ZSCAN25: variants seen among roughly 807,000 people sequenced by gnomAD.
ZSCAN25 encodes zinc finger and SCAN domain containing 25.
In ZSCAN25, 27 loss-of-function variants were observed where a neutral mutation model predicts 38.7. The observed-to-expected ratio is 0.70, with a 90% confidence interval of 0.51 to 0.96. The LOEUF (loss-of-function observed/expected upper bound fraction) is 0.96, where lower values mean the gene tolerates loss of function less well. ZSCAN25 is among the 40% of genes least tolerant of loss of function. The pLI, the probability that ZSCAN25 is intolerant of heterozygous loss-of-function variation, is 0.00. For synonymous variants in ZSCAN25, 273 were observed against 277.7 expected (o/e 0.98, Z 0.17); for missense variants, 637 against 705.9 (o/e 0.90, Z 1.11).
the ZSCAN25 span, among the ~76,000 whole-genome samples, chr7:99,644,121 C>A: frequency 6.6e-6 from 1 of 152,142 alleles, no homozygotes; most frequent in Non-Finnish European, 1.5e-5. Flanking sequence ...TCCTTGTCAT[C>A]ATTGTCACCG....
the ZSCAN25 span, among the ~76,000 whole-genome samples, chr7:99,650,580 C>T: frequency 3.9e-5 from 6 of 152,200 alleles, no homozygotes; most frequent in African/African-American, 1.4e-4. Context: ...AAAGTGGATT[C>T]CTGCCTCAAC....
At chr7:99,652,338 ATTATCT>A in the ZSCAN25 span, 7 of 394,716 alleles carry the variant, frequency 1.8e-5, no homozygotes, top group East Asian at 7.8e-5. Context: ...GACATAATTG[ATTATCT>A]TTGTCTTGTG....
intron 6 of ZSCAN25, among the ~76,000 whole-genome samples, chr7:99,623,178 G>T (rs1184604000): frequency 2.0e-5 from 3 of 152,182 alleles, no homozygotes; most frequent in Non-Finnish European, 4.4e-5. Context: ...TTGGCCCCGA[G>T]ATAACCCTTT....
rs1228013958 is a variant in ZSCAN25, at chr7:99,629,841, T to C, written c.1456T>C (p.Tyr486His). Residue 486 changes from tyrosine (Y) to histidine (H), a missense_variant, in exon 8 of 8, where the codon TAT becomes CAT. By Grantham distance (83) the Tyr-to-His change is moderately conservative. Transcript: ENST00000394152. This position sits in a 1 kb window ranked among gnomAD's most constrained non-coding sequence, Gnocchi z 5.6. The part of the protein sequence containing the change: ...HRRAHTGEKP[Y>H]GCQVCGKRFS... ...GCGTGCCCACACTGGCGAGAAGCCATATGGGTGCCAGGTGTGCGGGAAGCG... is the reference window on the plus strand; with the variant it reads ...GCGTGCCCACACTGGCGAGAAGCCACATGGGTGCCAGGTGTGCGGGAAGCG... 4 of 1,614,070 alleles carry C rather than the reference T, an allele frequency of 2.5e-6. No homozygotes were observed. In the African/African-American group the frequency reaches 4.0e-5, roughly 16 times the overall value.
chr7:99,643,529 A>G, the ZSCAN25 span, among the ~76,000 whole-genome samples: 2 of 150,970 alleles, frequency 1.3e-5, no homozygotes, highest in African/African-American at 4.9e-5. Context: ...AGTGATGTCA[A>G]CTCTTCATGT....
At chr7:99,679,712 C>A in the ZSCAN25 span, 29 of 965,194 alleles carry the variant, frequency 3.0e-5, no homozygotes, top group African/African-American at 4.1e-4. Flanking sequence ...TCCAACACTT[C>A]AGCTACTTCT....
chr7:99,678,653 G>A, the ZSCAN25 span, among the ~76,000 whole-genome samples: 1 of 152,186 alleles, frequency 6.6e-6, no homozygotes, highest in East Asian at 1.9e-4. Flanking sequence ...GCTGGAAATA[G>A]TCTATCTCCA....
Position 99,631,108 on chromosome 7 carries a change from T to G in ZSCAN25, c.*1088T>G. On this transcript the variant is annotated 3_prime_UTR_variant, in exon 8 of 8. Coordinates refer to ENST00000394152, the MANE Select transcript of ZSCAN25 (RefSeq NM_145115.3). ...CCTCGTAGAGCTTATGTCTCGTGGA[T>G]GTACCTGATCTTCAGAACCCGTGGA... 1.0e-6 allele frequency: 1 copy of G among 985,468 alleles called. No individual in the cohort carries two copies. The highest frequency in any genetic ancestry group is 1.2e-6 in the Non-Finnish European group (1 of 829,926). The allele number at this position is 985,468 out of a possible 1,614,324, so 61.0% of individuals were successfully genotyped here. A position where few individuals can be genotyped will look rare whatever the true frequency, so the allele number is the denominator to read the frequency against.
the ZSCAN25 span, among the ~76,000 whole-genome samples, chr7:99,675,532 A>C: frequency 2.6e-5 from 4 of 151,290 alleles, no homozygotes; most frequent in African/African-American, 9.7e-5. Context: ...CCTTCTGGAC[A>C]TGAGCTTGTG....
rs1807253306 is a variant in ZSCAN25 at position 99,624,173 on chromosome 7, C to T, written c.798C>T (p.Val266=). 1 of 1,613,608 alleles carries T rather than the reference C, an allele frequency of 6.2e-7. No homozygotes were observed. Among genetic ancestry groups the T allele is most frequent in the Non-Finnish European group, 8.5e-7 (1 of 1,179,890 alleles). ...GEYVEPQDCR[V]SPGGGSKEKE... ...ATGTGGAACCGCAGGACTGCAGGGT[C>T]TCTCCAGGTAAGACTGTCTCCACCC... Residue 266 remains valine (V), a synonymous_variant, in exon 7 of 8, where the codon GTC becomes GTT. Coordinates refer to ENST00000394152, the MANE Select transcript of ZSCAN25 (RefSeq NM_145115.3).
At chr7:99,699,661 C>G in the ZSCAN25 span, among the ~76,000 whole-genome samples, 1 of 152,132 alleles carries the variant, frequency 6.6e-6, no homozygotes, top group Non-Finnish European at 1.5e-5. Context: ...TCTGCCTTTG[C>G]TGGGTTTTCA....
the ZSCAN25 span, among the ~76,000 whole-genome samples, chr7:99,728,284 C>T: frequency 2.6e-5 from 4 of 152,196 alleles, no homozygotes; most frequent in Admixed American, 2.6e-4. Flanking sequence ...TCCCTTAAGA[C>T]ATTTGCCCTG....
Position 99,631,779 on chromosome 7 carries a change from G to A in ZSCAN25, c.*1759G>A. 1 of 985,410 alleles carries A rather than the reference G, an allele frequency of 1.0e-6. No homozygotes were observed. The highest frequency in any genetic ancestry group is 1.2e-6 in the Non-Finnish European group (1 of 829,946). The allele number at this position is 985,410 out of a possible 1,614,324, so 61.0% of individuals were successfully genotyped here. On this transcript the variant is annotated 3_prime_UTR_variant, in exon 8 of 8. Coordinates refer to ENST00000394152, the MANE Select transcript of ZSCAN25 (RefSeq NM_145115.3). ...CAAATGACGCTCCTTGGTCTTCCTGGCTCATTAGCTGTGCCCACGAGGCTG... is the reference window on the plus strand; with the variant it reads ...CAAATGACGCTCCTTGGTCTTCCTGACTCATTAGCTGTGCCCACGAGGCTG...
the ZSCAN25 span, among the ~76,000 whole-genome samples, chr7:99,688,772 G>A: frequency 8.5e-5 from 13 of 152,200 alleles, no homozygotes; most frequent in African/African-American, 3.1e-4. Context: ...TGGAAGTAAA[G>A]CACTCCTCAG....
the ZSCAN25 span, among the ~76,000 whole-genome samples, chr7:99,697,843 T>A: frequency 6.6e-6 from 1 of 152,214 alleles, no homozygotes; most frequent in Non-Finnish European, 1.5e-5. Context: ...GGCCTTGGGT[T>A]TTCTACTCCT....
At chr7:99,696,799 T>A in the ZSCAN25 span, among the ~76,000 whole-genome samples, 1 of 152,112 alleles carries the variant, frequency 6.6e-6, no homozygotes, top group African/African-American at 2.4e-5. Context: ...TGGAAGGCGA[T>A]TGTATCTTAG....
the ZSCAN25 span, among the ~76,000 whole-genome samples, chr7:99,732,305 C>T: frequency 3.3e-5 from 5 of 152,270 alleles, no homozygotes; most frequent in East Asian, 5.8e-4. Flanking sequence ...GGCACCCTAG[C>T]GGCAGAAGTC....
the ZSCAN25 span, among the ~76,000 whole-genome samples, chr7:99,645,598 C>T: frequency 6.6e-6 from 1 of 151,958 alleles, no homozygotes; most frequent in Non-Finnish European, 1.5e-5. Flanking sequence ...TATTTTTCTC[C>T]ACAACCTTGC....
chr7:99,734,941 C>G, the ZSCAN25 span: 1 of 1,604,276 alleles, frequency 6.2e-7, no homozygotes, highest in East Asian at 2.2e-5. Context: ...TTTTGCTATT[C>G]AAAACAGATA....
Sources: allele counts gnomAD v4.1 joint callset (sites outside exome capture counted in the v4.1 genomes callset), GRCh38; gene constraint gnomAD v4.1.1; non-coding constraint Gnocchi (gnomAD v3.1); transcripts MANE v1.5; gene names NCBI Gene and HGNC (gene_info 2026-07-23, HGNC 2026-07-21).